EFR3A: variants seen among roughly 807,000 people sequenced by gnomAD.
EFR3A encodes the protein EFR3 homolog A.
In EFR3A, 76 loss-of-function variants were observed where a neutral mutation model predicts 104.4. The observed-to-expected ratio is 0.73, with a 90% CI of 0.60 to 0.88. The LOEUF is 0.88. EFR3A is among the 40% of genes least tolerant of loss of function. EFR3A has a pLI of 0.00. For synonymous variants in EFR3A, 330 were observed against 330.0 expected, an observed-to-expected ratio of 1.00 and a Z score of 0.00; for missense variants, 985 against 1,012.5, an observed-to-expected ratio of 0.97 and a Z score of 0.37.
intron 21 of EFR3A, 46 bp downstream of exon 21, chr8:132,002,752 G>T (rs1464838062): frequency 2.7e-6 from 4 of 1,480,894 alleles, no homozygotes; most frequent in African/African-American, 1.4e-5. Context: ...CTGTTGTTTT[G>T]TGGAAACTCT....
chr8:131,919,851 A>T (rs1029814406), intron 1 of EFR3A, among the ~76,000 whole-genome samples: 1 of 150,808 alleles, frequency 6.6e-6, no homozygotes, highest in Non-Finnish European at 1.5e-5. Context: ...AGGAAGATAC[A>T]TTTATTTCTG....
At position 131,904,142 on chromosome 8, in the gene EFR3A, C is replaced by G. The variant is rs957311336; in HGVS notation, c.-171C>G. ...GTGGGCTGGCGGCGGTAGCTGTCGC[C>G]CGCTTGGTTGCGTGACCGCGGGGTC... On this transcript the variant is annotated 5_prime_UTR_variant, in exon 1 of 23. Transcript: ENST00000254624. The G allele has an allele frequency of 1.4e-4, 104 of 733,706 alleles. No individual in the cohort carries two copies. The African/African-American group carries it at 1.7e-3, about 12-fold the overall frequency. 45.4% of individuals were successfully genotyped at this position (733,706 alleles called of 1,614,324 possible).
At chr8:131,910,360 C>T (rs995985281) in intron 1 of EFR3A, among the ~76,000 whole-genome samples, 24 of 151,420 alleles carry the variant, frequency 1.6e-4, no homozygotes, top group Non-Finnish European at 2.7e-4. Context: ...CAACCTCCAC[C>T]TCCTGGACTC....
At chr8:131,905,639 C>T (rs1816220468) in intron 1 of EFR3A, among the ~76,000 whole-genome samples, 1 of 152,178 alleles carries the variant, frequency 6.6e-6, no homozygotes, top group African/African-American at 2.4e-5. Flanking sequence ...GTTTAAATTT[C>T]TGTTTTATTC....
intron 19 of EFR3A, among the ~76,000 whole-genome samples, chr8:131,999,183 G>T (rs1029952083): frequency 2.0e-5 from 3 of 152,080 alleles, no homozygotes; most frequent in East Asian, 1.9e-4. Flanking sequence ...TAAATTTTTT[G>T]ATATAAAATT....
intron 19 of EFR3A, chr8:132,000,845 G>A (rs1236401093): frequency 6.6e-6 from 1 of 152,214 alleles, no homozygotes; most frequent in Non-Finnish European, 1.5e-5. Context: ...AACTGAGGGA[G>A]TGGAACTCTT....
At chr8:131,954,274 C>T (rs983271824) in intron 6 of EFR3A, among the ~76,000 whole-genome samples, 1 of 151,944 alleles carries the variant, frequency 6.6e-6, no homozygotes, top group African/African-American at 2.4e-5. Flanking sequence ...CTTAAAGTTG[C>T]AAATGTGAGA....
At chr8:131,967,417 T>C (rs1437985279) in intron 8 of EFR3A, among the ~76,000 whole-genome samples, 3 of 151,900 alleles carry the variant, frequency 2.0e-5, no homozygotes, top group Non-Finnish European at 4.4e-5. Flanking sequence ...GTAACCAGCC[T>C]GAAAACAGGG....
intron 18 of EFR3A, among the ~76,000 whole-genome samples, chr8:131,995,829 A>C (rs1252260469): frequency 6.6e-6 from 1 of 152,182 alleles, no homozygotes; most frequent in African/African-American, 2.4e-5. Flanking sequence ...CAAATTATAA[A>C]GCAAAATAAC....
At position 131,959,596 on chromosome 8, in the gene EFR3A, A is replaced by T. The variant is rs1563665025; in HGVS notation, c.788A>T (p.His263Leu). 5 of 1,611,954 alleles carry T rather than the reference A, an allele frequency of 3.1e-6. No individual in the cohort carries two copies. The highest frequency in any genetic ancestry group is 3.4e-6 in the Non-Finnish European group (4 of 1,179,182). Residue 263 changes from histidine to leucine, a missense_variant, in exon 8 of 23, where the codon CAT becomes CTT. By Grantham distance (99) the His-to-Leu change is moderately conservative (BLOSUM62 -3). Coordinates refer to ENST00000254624, the MANE Select transcript of EFR3A (RefSeq NM_015137.6). ...AVRPVFAHLD[H>L]HKLWDPNEFA... Reference sequence around the variant, plus strand: ...TTTGTTATTTGCAGGCATTTAGATCATCACAAACTGTGGGATCCCAATGAA... The same window carrying T: ...TTTGTTATTTGCAGGCATTTAGATCTTCACAAACTGTGGGATCCCAATGAA...
chr8:131,923,469 C>G (rs78554747), intron 1 of EFR3A, among the ~76,000 whole-genome samples: 3 of 148,480 alleles, frequency 2.0e-5, no homozygotes, highest in African/African-American at 4.9e-5. Context: ...AACTTCACGG[C>G]CTTTAAAAAG....
intron 7 of EFR3A, among the ~76,000 whole-genome samples, chr8:131,957,350 C>CTTTTTTTTTTTT (rs1185442281): frequency 6.4e-5 from 8 of 125,942 alleles, no homozygotes; most frequent in African/African-American, 1.8e-4. Flanking sequence ...GGGCCAGGGT[C>CTTTTTTTTTTTT]TTTTTTTTTT....
At chr8:132,002,751 T>A (rs1821847365) in intron 21 of EFR3A, 45 bp downstream of exon 21, 1 of 1,484,868 alleles carries the variant, frequency 6.7e-7, no homozygotes, top group Admixed American at 1.7e-5. Context: ...ACTGTTGTTT[T>A]GTGGAAACTC....
rs189911602 is a variant in EFR3A, at chr8:131,946,820, G to T, written c.366+187G>T. On this transcript the variant is annotated intron_variant, in intron 4 of 22. Transcript: ENST00000254624. The stretch of plus-strand genomic sequence containing the variant: ...TCTGCTGTTTCTTGTGAAATCTGTG[G>T]TATTAACTAATCATAATAGAATGTC... 2.0e-5 allele frequency among the ~76,000 whole-genome samples: 3 copies of T among 152,108 alleles called. No individual in the cohort carries two copies. In the East Asian group the frequency reaches 5.8e-4, roughly 29 times the overall value.
chr8:131,933,603 A>T (rs1817727222), intron 1 of EFR3A, among the ~76,000 whole-genome samples: 1 of 152,072 alleles, frequency 6.6e-6, no homozygotes, highest in Non-Finnish European at 1.5e-5. Context: ...TCTTTGTGTA[A>T]CTCTGCTGAG....
intron 9 of EFR3A, 27 bp from the exon 10 acceptor site, chr8:131,970,449 T>A: frequency 6.2e-7 from 1 of 1,603,932 alleles, no homozygotes; most frequent in Non-Finnish European, 8.5e-7. Flanking sequence ...GAAACATGTA[T>A]CTTCTCACAT....
chr8:131,976,880 T>G (rs898314724), intron 11 of EFR3A, among the ~76,000 whole-genome samples, 161 bp from the exon 12 acceptor site: 1 of 152,168 alleles, frequency 6.6e-6, no homozygotes, highest in African/African-American at 2.4e-5. Context: ...TTAATTCACG[T>G]GAAATTTTAC....
intron 8 of EFR3A, among the ~76,000 whole-genome samples, chr8:131,962,939 G>A (rs976169777): frequency 1.4e-4 from 22 of 152,130 alleles, no homozygotes; most frequent in African/African-American, 5.1e-4. Flanking sequence ...TCAACTACAT[G>A]GAAACTGAGC....
chr8:132,003,528 C>T (rs1050155515), intron 22 of EFR3A, among the ~76,000 whole-genome samples: 1 of 152,138 alleles, frequency 6.6e-6, no homozygotes, highest in Admixed American at 6.5e-5. Context: ...TTAGATTATT[C>T]ATTCCTTCCT....
Sources: allele counts gnomAD v4.1 joint callset (sites outside exome capture counted in the v4.1 genomes callset), GRCh38; gene constraint gnomAD v4.1.1; transcripts MANE v1.5; gene names NCBI Gene and HGNC (gene_info 2026-07-23, HGNC 2026-07-21).